The following OR6B3 variants were observed in gnomAD, a reference collection of about 807,000 sequenced individuals.
The protein encoded by OR6B3 is olfactory receptor 6B3.
For synonymous variants in OR6B3, 148 were observed against 187.8 expected (o/e 0.79, Z 1.73); for missense variants, 315 against 427.4 (o/e 0.74, Z 2.32).
At chr2:240,046,077 C>T (rs1698184884) in exon 2 of OR6B3, 1 of 1,609,826 alleles carries the variant, frequency 6.2e-7, no homozygotes, top group African/African-American at 1.3e-5. Context: ...ACTCATGCCT[C>T]TGTGCTTGGG....
At chr2:240,048,243 AC>A (rs1436142292), upstream of OR6B3, among the ~76,000 whole-genome samples, 1 of 152,204 alleles carries the variant, frequency 6.6e-6, no homozygotes, top group African/African-American at 2.4e-5. Context: ...ATGAGTTTAA[AC>A]CACAGTAGTA....
chr2:240,049,571 C>T (rs1050507847), upstream of OR6B3, among the ~76,000 whole-genome samples: 1 of 152,150 alleles, frequency 6.6e-6, no homozygotes, highest in Non-Finnish European at 1.5e-5. Flanking sequence ...ACTTTCACAG[C>T]GTAAAAACAT....
chr2:240,049,712 G>C (rs1345840589), upstream of OR6B3, among the ~76,000 whole-genome samples: 2 of 151,988 alleles, frequency 1.3e-5, no homozygotes, highest in Admixed American at 6.6e-5. Context: ...AATAGTAATT[G>C]TTTGGAAAAA....
downstream of OR6B3, among the ~76,000 whole-genome samples, chr2:240,044,571 T>G (rs1428198162): frequency 6.6e-6 from 1 of 152,244 alleles, no homozygotes; most frequent in Admixed American, 6.5e-5. Flanking sequence ...AATCGACTCA[T>G]GCAATAATAA....
At chr2:240,053,304 C>A in the OR6B3 span, among the ~76,000 whole-genome samples, 1 of 152,308 alleles carries the variant, frequency 6.6e-6, no homozygotes, top group Non-Finnish European at 1.5e-5. This position sits in a 1 kb window ranked among gnomAD's most constrained non-coding sequence, Gnocchi z 4.1. Flanking sequence ...CACAGAGGCA[C>A]CAATATCTGG....
At chr2:240,051,193 AC>A (rs1462577257), upstream of OR6B3, among the ~76,000 whole-genome samples, 3 of 152,178 alleles carry the variant, frequency 2.0e-5, no homozygotes, top group Non-Finnish European at 4.4e-5. Flanking sequence ...GCAGGTGGAG[AC>A]CCACCAAATG....
In OR6B3 at chr2:240,045,408, G is replaced by A. The variant is rs1445677648; in HGVS notation, c.665C>T (p.Thr222Ile). The A allele has an allele frequency of 3.1e-6, 5 of 1,614,142 alleles. No homozygotes were observed. The South Asian group carries it at 4.4e-5, about 14-fold the overall frequency. Residue 222 changes from threonine to isoleucine, a missense_variant, in exon 2 of 2, where the codon ACC (threonine) becomes ATC (isoleucine). Physicochemically the swap from Thr to Ile is moderately conservative, Grantham distance 89. Coordinates refer to ENST00000641019, the Ensembl canonical transcript of OR6B3. ...CGAGGGGATGCGCAGGACAGCCAGG[G>A]TGATGTGCGCATATGACAGCATGGT...
At chr2:240,048,140 C>T (rs1236140215), upstream of OR6B3, among the ~76,000 whole-genome samples, 4 of 152,148 alleles carry the variant, frequency 2.6e-5, no homozygotes, top group South Asian at 2.1e-4. Context: ...ATGCAGTATT[C>T]GTTCCATAAA....
In OR6B3 at chr2:240,046,100, A is replaced by G. The variant is rs763558322; in HGVS notation, c.-25-3T>C. The G allele has an allele frequency of 2.5e-6, 4 of 1,570,950 alleles. No homozygotes were observed. The highest frequency in any genetic ancestry group is 2.6e-6 in the Non-Finnish European group (3 of 1,154,550). On this transcript the variant is annotated splice_polypyrimidine_tract_variant and splice_region_variant and intron_variant, in intron 1 of 1. Transcript: ENST00000641019. ...CTCTGTGCTTGGGAGCTGCAGGCCTACAAAACATCAAAGAGCAAGAGGAAA... is the reference window on the plus strand; with the variant it reads ...CTCTGTGCTTGGGAGCTGCAGGCCTGCAAAACATCAAAGAGCAAGAGGAAA...
upstream of OR6B3, among the ~76,000 whole-genome samples, chr2:240,050,838 A>G (rs920938964): frequency 6.6e-6 from 1 of 152,098 alleles, no homozygotes; most frequent in African/African-American, 2.4e-5. Context: ...TTAGAATGCC[A>G]AGTATTGGAA....
chr2:240,047,190 C>G (rs565676075), upstream of OR6B3, among the ~76,000 whole-genome samples: 1 of 152,098 alleles, frequency 6.6e-6, no homozygotes, highest in African/African-American at 2.4e-5. Context: ...AGAGAAGACC[C>G]CTTCAGAAGG....
chr2:240,049,158 C>T (rs1229498264), upstream of OR6B3, among the ~76,000 whole-genome samples: 9 of 152,166 alleles, frequency 5.9e-5, no homozygotes, highest in Non-Finnish European at 1.2e-4. Flanking sequence ...CTGGCTGGGC[C>T]GCTTGGTGGC....
At chr2:240,044,647 A>AG, downstream of OR6B3, among the ~76,000 whole-genome samples, 1 of 152,396 alleles carries the variant, frequency 6.6e-6, no homozygotes, top group South Asian at 2.1e-4. Context: ...AAAAAGGCAG[A>AG]GGGGGCATCC....
the OR6B3 span, among the ~76,000 whole-genome samples, chr2:240,052,562 C>G: frequency 6.6e-6 from 1 of 152,138 alleles, no homozygotes; most frequent in South Asian, 2.1e-4. This position sits in a 1 kb window ranked among gnomAD's most constrained non-coding sequence, Gnocchi z 4.5. Flanking sequence ...AACATGATGT[C>G]AGGATAGTTC....
exon 2 of OR6B3, chr2:240,045,299 C>A: frequency 1.2e-6 from 2 of 1,614,164 alleles, no homozygotes; most frequent in Admixed American, 1.7e-5. Flanking sequence ...GCCGGACATA[C>A]ATGAAAAGCA....
exon 2 of OR6B3, chr2:240,046,052 G>A (rs748257772): frequency 1.1e-5 from 18 of 1,613,434 alleles, no homozygotes; most frequent in Non-Finnish European, 1.5e-5. Context: ...TGCCGACCCT[G>A]GTGACATTCT....
chr2:240,046,620 A>G (rs572516563), intron 1 of OR6B3, among the ~76,000 whole-genome samples: 2 of 152,292 alleles, frequency 1.3e-5, no homozygotes, highest in South Asian at 4.1e-4. Flanking sequence ...TCCCAGACTC[A>G]GGCACATCCA....
At chr2:240,050,636 C>A (rs1698244407), upstream of OR6B3, among the ~76,000 whole-genome samples, 1 of 151,512 alleles carries the variant, frequency 6.6e-6, no homozygotes. Context: ...ATCACTTGAA[C>A]CCGGGAGACG....
At chr2:240,051,665 A>G (rs991099324), upstream of OR6B3, among the ~76,000 whole-genome samples, 2 of 152,274 alleles carry the variant, frequency 1.3e-5, no homozygotes, top group African/African-American at 4.8e-5. Context: ...GTCAGCAATT[A>G]GGACCCAGCA....
Sources: allele counts gnomAD v4.1 joint callset (sites outside exome capture counted in the v4.1 genomes callset), GRCh38; gene constraint gnomAD v4.1.1; non-coding constraint Gnocchi (gnomAD v3.1); transcripts MANE v1.5; gene names NCBI Gene and HGNC (gene_info 2026-07-23, HGNC 2026-07-21).